The following C2orf92 variants were observed in gnomAD, a reference collection of about 807,000 sequenced individuals.
The protein encoded by C2orf92 is uncharacterized protein C2orf92.
chr2:97,683,076 CCACA>C (rs760650490), intron 3 of C2orf92, among the ~76,000 whole-genome samples: 90 of 143,262 alleles, frequency 6.3e-4, no homozygotes, highest in South Asian at 3.9e-3. Flanking sequence ...CATATAGACT[CCACA>C]CACACACACA....
chr2:97,687,548 C>T (rs926038341), intron 3 of C2orf92, among the ~76,000 whole-genome samples: 7 of 151,854 alleles, frequency 4.6e-5, no homozygotes, highest in Non-Finnish European at 8.8e-5. Context: ...TGAAGTCTCT[C>T]CTGAGGGTGC....
upstream of C2orf92, among the ~76,000 whole-genome samples, chr2:97,665,276 G>A (rs1278892148): frequency 6.6e-6 from 1 of 152,138 alleles, no homozygotes; most frequent in Non-Finnish European, 1.5e-5. Flanking sequence ...AAATTGAAGC[G>A]GGTGTGCAGA....
chr2:97,677,367 T>C (rs533765991), intron 3 of C2orf92: 1 of 152,320 alleles, frequency 6.6e-6, no homozygotes, highest in Admixed American at 6.5e-5. Flanking sequence ...AGCAGCCCTG[T>C]TGAGGGGATT....
At chr2:97,701,858 C>T (rs1676506884) in intron 7 of C2orf92, among the ~76,000 whole-genome samples, 1 of 152,226 alleles carries the variant, frequency 6.6e-6, no homozygotes, top group African/African-American at 2.4e-5. Context: ...GGCTCTGCTT[C>T]AGTGGTGGTC....
intron 6 of C2orf92, among the ~76,000 whole-genome samples, chr2:97,700,419 G>A (rs1676454859): frequency 6.6e-6 from 1 of 152,172 alleles, no homozygotes; most frequent in Non-Finnish European, 1.5e-5. Context: ...GCTGCAGAGT[G>A]TTCGCCTCCA....
chr2:97,697,079 C>A (rs960843486), intron 5 of C2orf92, among the ~76,000 whole-genome samples: 8 of 152,170 alleles, frequency 5.3e-5, no homozygotes, highest in African/African-American at 1.7e-4. Context: ...CCAGCACATG[C>A]TTGATTGGCA....
chr2:97,690,833 A>T lies in C2orf92; in HGVS notation c.403+506A>T, dbSNP rs1237841204. Among the ~76,000 whole-genome samples, 3 of 146,612 alleles carry T rather than the reference A, an allele frequency of 2.0e-5. No individual in the cohort carries two copies. The East Asian group carries it at 6.1e-4, about 30-fold the overall frequency. On this transcript the variant is annotated intron_variant, in intron 5 of 7. Transcript: ENST00000627399. ...CTCACTCTGTTGCCCAGGCTGGAGT[A>T]CAGTGGCACCATCTCAGCTCACTGC... is the stretch of plus-strand genomic sequence containing the variant.
intron 3 of C2orf92, among the ~76,000 whole-genome samples, chr2:97,682,079 G>C (rs1254347361): frequency 6.6e-6 from 1 of 152,108 alleles, no homozygotes; most frequent in Admixed American, 6.6e-5. Context: ...TAGCTAGATA[G>C]GTGAAGAAAG....
At chr2:97,692,407 C>CTTTTT (rs755849117) in intron 5 of C2orf92, among the ~76,000 whole-genome samples, 26 of 119,350 alleles carry the variant, frequency 2.2e-4, no homozygotes, top group African/African-American at 3.7e-4. Flanking sequence ...AGTTTTACTT[C>CTTTTT]TTTTTTTTTT....
At chr2:97,685,579 T>C (rs1466254378) in intron 3 of C2orf92, among the ~76,000 whole-genome samples, 1 of 151,652 alleles carries the variant, frequency 6.6e-6, no homozygotes, top group East Asian at 1.9e-4. Context: ...TTTTCTTTTT[T>C]TGAGACAAAG....
At chr2:97,669,960 C>T (rs1675357836) in intron 1 of C2orf92, 126 bp downstream of exon 1, 1 of 396,660 alleles carries the variant, frequency 2.5e-6, no homozygotes, top group African/African-American at 2.1e-5. Context: ...TTCTATACCT[C>T]CCCAAATCTG....
At chr2:97,691,749 C>T (rs1243345160) in intron 5 of C2orf92, among the ~76,000 whole-genome samples, 1 of 151,960 alleles carries the variant, frequency 6.6e-6, no homozygotes, top group Admixed American at 6.6e-5. Context: ...GATGTAGCTC[C>T]CCTGTAGTCA....
rs1676532827 is a variant in C2orf92 at position 97,702,658 on chromosome 2, T to C, written c.666-11T>C. ...GAGCTGAGCACTGTGGTTTTTGTTA[T>C]TTTGTTTTAGATCTCCTCTGGCAAA... On this transcript the variant is annotated splice_polypyrimidine_tract_variant and intron_variant, in intron 7 of 7. Coordinates refer to ENST00000627399, the MANE Select transcript of C2orf92 (RefSeq NM_001351368.2). The C allele has an allele frequency of 2.5e-6, 1 of 398,908 alleles. No homozygotes were observed. The highest frequency in any genetic ancestry group is 1.3e-4 in the South Asian group (1 of 7,852). 24.7% of individuals were successfully genotyped at this position (398,908 alleles called of 1,614,324 possible). A position where few individuals can be genotyped will look rare whatever the true frequency, so the allele number is the denominator to read the frequency against.
At chr2:97,666,493 C>G (rs567022097), upstream of C2orf92, among the ~76,000 whole-genome samples, 72 of 143,620 alleles carry the variant, frequency 5.0e-4, no homozygotes, top group African/African-American at 1.8e-3. Flanking sequence ...GCCGAGATCG[C>G]GCCACCAGCC....
At chr2:97,668,799 A>T (rs1469602468), upstream of C2orf92, 1 of 152,010 alleles carries the variant, frequency 6.6e-6, no homozygotes, top group Non-Finnish European at 1.5e-5. Flanking sequence ...GACTATGGGT[A>T]CTCGCCACCA....
chr2:97,671,240 C>T, intron 1 of C2orf92: 1 of 367,088 alleles, frequency 2.7e-6, no homozygotes, highest in Non-Finnish European at 4.8e-6. Flanking sequence ...AACTCCTGAC[C>T]TCAATGGATC....
chr2:97,695,212 A>G (rs759613337), intron 5 of C2orf92, among the ~76,000 whole-genome samples: 14 of 152,220 alleles, frequency 9.2e-5, no homozygotes, highest in Non-Finnish European at 1.9e-4. Flanking sequence ...CTTTGGTATC[A>G]AACCCAAGAA....
In C2orf92 at chr2:97,703,019, G is replaced by C. The variant is rs1435458934; in HGVS notation, c.*218G>C. The stretch of plus-strand genomic sequence containing the variant: ...ATGGCTGGCGTCGGTGAACCCGACA[G>C]ACTATGGATTTATCATTTAATAAAG... On this transcript the variant is annotated 3_prime_UTR_variant, in exon 8 of 8. Coordinates refer to ENST00000627399, the MANE Select transcript of C2orf92 (RefSeq NM_001351368.2). 2.6e-6 allele frequency: 1 copy of C among 377,984 alleles called. No homozygotes were observed. 23.4% of individuals were successfully genotyped at this position (377,984 alleles called of 1,614,324 possible). A position where few individuals can be genotyped will look rare whatever the true frequency, so the allele number is the denominator to read the frequency against.
upstream of C2orf92, among the ~76,000 whole-genome samples, chr2:97,665,224 T>C (rs36216562): frequency 0.012 from 1,770 of 152,324 alleles, 18 homozygotes; most frequent in Non-Finnish European, 0.021. Context: ...TATTTCCCTG[T>C]ATATATACCT....
Sources: allele counts gnomAD v4.1 joint callset (sites outside exome capture counted in the v4.1 genomes callset), GRCh38; gene constraint gnomAD v4.1.1; transcripts MANE v1.5; gene names NCBI Gene and HGNC (gene_info 2026-07-23, HGNC 2026-07-21).